CERS6: variants seen among roughly 807,000 people sequenced by gnomAD.
CERS6 encodes the protein ceramide synthase 6, also known as LAG1 homolog, ceramide synthase 6.
In CERS6, 26 loss-of-function variants were observed where a neutral mutation model predicts 56.8. The ratio of observed to expected loss-of-function variants is 0.46; its 90% confidence interval spans 0.34 to 0.63. The LOEUF (loss-of-function observed/expected upper bound fraction) is 0.63, where lower values mean the gene tolerates loss of function less well. CERS6 is among the 30% of genes least tolerant of loss of function. CERS6 has a pLI of 0.01. For synonymous variants in CERS6, 164 were observed against 173.3 expected (o/e 0.95, Z 0.42); for missense variants, 415 against 467.5 (o/e 0.89, Z 1.04).
intron 8 of CERS6, among the ~76,000 whole-genome samples, chr2:168,760,469 C>T (rs913450151): frequency 6.6e-6 from 1 of 152,134 alleles, no homozygotes; most frequent in African/African-American, 2.4e-5. Flanking sequence ...ATGTTAATCT[C>T]CTTTGGCAAT....
chr2:168,467,761 TA>T (rs1479632189), intron 1 of CERS6, among the ~76,000 whole-genome samples: 1 of 152,228 alleles, frequency 6.6e-6, no homozygotes, highest in Non-Finnish European at 1.5e-5. Context: ...TTCGTAAAAA[TA>T]CACGTTGTGT....
intron 8 of CERS6, among the ~76,000 whole-genome samples, chr2:168,736,797 A>G (rs1559073631): frequency 1.3e-5 from 2 of 152,246 alleles, no homozygotes; most frequent in Non-Finnish European, 2.9e-5. Context: ...ATGCATGTGT[A>G]AGGACAGCCC....
At chr2:168,599,377 A>G (rs1683878827) in intron 3 of CERS6, among the ~76,000 whole-genome samples, 1 of 152,172 alleles carries the variant, frequency 6.6e-6, no homozygotes, top group African/African-American at 2.4e-5. Context: ...TTCTTTTTGA[A>G]GAAGGGCAGT....
At chr2:168,544,298 C>T (rs1434129074) in intron 1 of CERS6, among the ~76,000 whole-genome samples, 3 of 152,154 alleles carry the variant, frequency 2.0e-5, no homozygotes, top group Admixed American at 2.0e-4. Flanking sequence ...AACAATGACC[C>T]TTCTGGGAAA....
At chr2:168,590,798 T>A (rs923917826) in intron 3 of CERS6, among the ~76,000 whole-genome samples, 3 of 152,206 alleles carry the variant, frequency 2.0e-5, no homozygotes, top group Non-Finnish European at 4.4e-5. Flanking sequence ...GGTTCTGTTT[T>A]TGTTCTCATT....
At chr2:168,614,695 C>A (rs1432747632) in intron 3 of CERS6, among the ~76,000 whole-genome samples, 1 of 152,150 alleles carries the variant, frequency 6.6e-6, no homozygotes, top group African/African-American at 2.4e-5. Context: ...ACACCCCCAT[C>A]CCCCATAGCA....
At chr2:168,519,935 T>A (rs2105355632) in intron 1 of CERS6, among the ~76,000 whole-genome samples, 1 of 152,348 alleles carries the variant, frequency 6.6e-6, no homozygotes, top group Middle Eastern at 3.4e-3. Flanking sequence ...TTCTTTTGGG[T>A]ATTTACCCAG....
chr2:168,630,914 C>A, intron 3 of CERS6, 71 bp from the exon 4 acceptor site: 1 of 672,080 alleles, frequency 1.5e-6, no homozygotes, highest in Non-Finnish European at 2.5e-6. Context: ...CTTTTCCCTC[C>A]CTTACATATT....
chr2:168,630,314 ACACACACACACACG>A (rs1455907631), intron 3 of CERS6, among the ~76,000 whole-genome samples: 1 of 139,564 alleles, frequency 7.2e-6, no homozygotes, highest in Non-Finnish European at 1.6e-5. Context: ...ACACACACAC[ACACACACACACACG>A]CACACATCTT....
intron 4 of CERS6, among the ~76,000 whole-genome samples, chr2:168,632,356 T>A (rs976140037): frequency 6.6e-5 from 10 of 152,192 alleles, no homozygotes; most frequent in Admixed American, 2.6e-4. Context: ...TTAAATACAT[T>A]TAAGATTTTA....
chr2:168,575,007 G>T (rs1241433069), intron 3 of CERS6, among the ~76,000 whole-genome samples: 1 of 152,036 alleles, frequency 6.6e-6, no homozygotes, highest in Non-Finnish European at 1.5e-5. Context: ...TGAAACTGTG[G>T]TTCCTTACTT....
intron 1 of CERS6, among the ~76,000 whole-genome samples, chr2:168,540,816 C>T (rs1417256062): frequency 1.3e-5 from 2 of 152,146 alleles, no homozygotes; most frequent in Non-Finnish European, 2.9e-5. Flanking sequence ...TGGTTTTCAT[C>T]TGTTTGACTG....
chr2:168,604,484 TAAG>T (rs1455024176), intron 3 of CERS6, among the ~76,000 whole-genome samples: 1 of 152,088 alleles, frequency 6.6e-6, no homozygotes. Flanking sequence ...ACTTGTGAAA[TAAG>T]AAGGGTGATG....
rs559236200 is a variant in CERS6 at position 168,520,260 on chromosome 2, C to T, written c.171-27336C>T. ...AGAAGTGTCTGTTTATGTCCTTTGC[C>T]CACTTTTTAATAGGGTTGTTTTATT... On this transcript the variant is annotated intron_variant, in intron 1 of 9. Coordinates refer to ENST00000305747, the MANE Select transcript of CERS6 (RefSeq NM_203463.3). Among the ~76,000 whole-genome samples the T allele has an allele frequency of 7.9e-5, 12 of 152,146 alleles. No homozygotes were observed. In the East Asian group the frequency reaches 2.3e-3, roughly 29 times the overall value.
chr2:168,514,354 T>C (rs2105352320), intron 1 of CERS6, among the ~76,000 whole-genome samples: 1 of 152,330 alleles, frequency 6.6e-6, no homozygotes, highest in East Asian at 1.9e-4. Context: ...ACCTCTAATA[T>C]GGCTTGCTTT....
At chr2:168,482,632 G>A (rs1694197702) in intron 1 of CERS6, among the ~76,000 whole-genome samples, 1 of 152,246 alleles carries the variant, frequency 6.6e-6, no homozygotes, top group South Asian at 2.1e-4. Flanking sequence ...TTTGCTAAGA[G>A]AAAAGTTTCT....
chr2:168,579,264 C>T (rs535155538), intron 3 of CERS6, among the ~76,000 whole-genome samples: 5 of 151,954 alleles, frequency 3.3e-5, no homozygotes, highest in Non-Finnish European at 5.9e-5. Flanking sequence ...TCAAGGAGCC[C>T]GTGGAGTTGG....
intron 3 of CERS6, among the ~76,000 whole-genome samples, chr2:168,625,440 T>C (rs1684569326): frequency 6.6e-6 from 1 of 152,232 alleles, no homozygotes; most frequent in African/African-American, 2.4e-5. Context: ...GTAAATATAC[T>C]TAAAAGTCAG....
At chr2:168,715,719 G>A (rs1687211382) in intron 7 of CERS6, among the ~76,000 whole-genome samples, 3 of 152,040 alleles carry the variant, frequency 2.0e-5, no homozygotes, top group African/African-American at 7.2e-5. Context: ...ATATGTTCTA[G>A]CATATTTCAA....
Sources: allele counts gnomAD v4.1 joint callset (sites outside exome capture counted in the v4.1 genomes callset), GRCh38; gene constraint gnomAD v4.1.1; transcripts MANE v1.5; gene names NCBI Gene and HGNC (gene_info 2026-07-23, HGNC 2026-07-21).